NCKAP5: variants seen among roughly 807,000 people sequenced by gnomAD.
NCKAP5 encodes nck-associated protein 5.
In NCKAP5, 92 loss-of-function variants were observed where a neutral mutation model predicts 167.0. The ratio of observed to expected loss-of-function variants is 0.55; its 90% CI spans 0.47 to 0.66. The LOEUF (loss-of-function observed/expected upper bound fraction) is 0.66. Among genes scored for constraint, NCKAP5 ranks in the 30% least tolerant of loss-of-function variants. The probability of loss-of-function intolerance (pLI) is 0.00; values close to 1 mark genes in which losing one functional copy is unlikely to be tolerated. For missense variants in NCKAP5, 2,378 were observed against 2,315.0 expected (o/e 1.03, Z -0.56); for synonymous variants, 891 against 877.4 (o/e 1.02, Z -0.27).
intron 5 of NCKAP5, among the ~76,000 whole-genome samples, chr2:133,188,756 A>T (rs1372548866): frequency 6.6e-6 from 1 of 152,176 alleles, no homozygotes; most frequent in Non-Finnish European, 1.5e-5. Flanking sequence ...GACACAACAC[A>T]CCAGAATCTC....
At chr2:133,616,177 T>C in the NCKAP5 span, among the ~76,000 whole-genome samples, 75 of 151,118 alleles carry the variant, frequency 5.0e-4, no homozygotes, top group Non-Finnish European at 8.1e-4. Context: ...TTTATAGCAC[T>C]AAATGCCCAC....
At chr2:133,177,749 T>A (rs1463254472) in intron 5 of NCKAP5, among the ~76,000 whole-genome samples, 1 of 152,098 alleles carries the variant, frequency 6.6e-6, no homozygotes, top group Non-Finnish European at 1.5e-5. Flanking sequence ...AGCCAGGACT[T>A]CCATCACTGC....
intron 11 of NCKAP5, among the ~76,000 whole-genome samples, chr2:132,811,354 C>A (rs911719490): frequency 6.6e-6 from 1 of 152,134 alleles, no homozygotes. Context: ...CCTTTGTCTT[C>A]TGCTACAGGG....
At chr2:133,652,608 T>G in the NCKAP5 span, among the ~76,000 whole-genome samples, 26 of 152,376 alleles carry the variant, frequency 1.7e-4, no homozygotes, top group East Asian at 5.0e-3. Flanking sequence ...ATTACACATT[T>G]GCTTTATATA....
At chr2:133,620,645 T>C in the NCKAP5 span, among the ~76,000 whole-genome samples, 2 of 151,906 alleles carry the variant, frequency 1.3e-5, no homozygotes, top group Non-Finnish European at 2.9e-5. Flanking sequence ...ACCTAAGAAA[T>C]AAGACAGACA....
chr2:133,220,675 T>C (rs981583536), intron 4 of NCKAP5, among the ~76,000 whole-genome samples: 8 of 152,142 alleles, frequency 5.3e-5, no homozygotes, highest in Non-Finnish European at 1.0e-4. Context: ...CTGCAAGGTT[T>C]GCATGTTTAA....
rs1687608005 is a variant in NCKAP5, at chr2:132,698,988, T to C, written c.5714-25683A>G. The stretch of plus-strand genomic sequence containing the variant: ...ATACACACTCAAGCTTCAGAATCAT[T>C]TCTGTAAAGATTTACCACAATATAC... On this transcript the variant is annotated intron_variant, in intron 19 of 19. Transcript: ENST00000409261. Among the ~76,000 whole-genome samples, 4 of 152,208 alleles carry C rather than the reference T, an allele frequency of 2.6e-5. No individual in the cohort carries two copies. The South Asian group carries it at 8.3e-4, about 32-fold the overall frequency.
chr2:133,364,145 A>C (rs1299819970), intron 3 of NCKAP5, among the ~76,000 whole-genome samples: 1 of 152,154 alleles, frequency 6.6e-6, no homozygotes, highest in African/African-American at 2.4e-5. Flanking sequence ...GGTTCAGGAA[A>C]ACTAACAGAC....
At chr2:133,124,667 C>G (rs1217718600) in intron 6 of NCKAP5, among the ~76,000 whole-genome samples, 2 of 152,180 alleles carry the variant, frequency 1.3e-5, no homozygotes, top group East Asian at 1.9e-4. Context: ...TAAGACTTCT[C>G]TATCTAAATT....
At chr2:133,632,571 G>A in the NCKAP5 span, among the ~76,000 whole-genome samples, 1 of 152,158 alleles carries the variant, frequency 6.6e-6, no homozygotes, top group Non-Finnish European at 1.5e-5. Context: ...ACTCTGTAAA[G>A]GCTTGTAAGC....
chr2:132,894,508 G>T (rs1261042798), intron 8 of NCKAP5, among the ~76,000 whole-genome samples: 1 of 152,118 alleles, frequency 6.6e-6, no homozygotes, highest in Non-Finnish European at 1.5e-5. Context: ...CTTAAGGTAT[G>T]CCAGCAGTCA....
At chr2:133,427,841 A>G (rs919070170) in intron 3 of NCKAP5, among the ~76,000 whole-genome samples, 3 of 152,138 alleles carry the variant, frequency 2.0e-5, no homozygotes, top group Non-Finnish European at 4.4e-5. Flanking sequence ...GCTTATTTAT[A>G]CTATATAGTA....
intron 6 of NCKAP5, among the ~76,000 whole-genome samples, chr2:133,042,740 A>G (rs953982420): frequency 2.6e-5 from 4 of 152,284 alleles, no homozygotes; most frequent in Non-Finnish European, 5.9e-5. Flanking sequence ...TGATTCAGCC[A>G]TGTTTGGACA....
At chr2:133,373,983 A>G (rs1685973110) in intron 3 of NCKAP5, among the ~76,000 whole-genome samples, 1 of 152,356 alleles carries the variant, frequency 6.6e-6, no homozygotes, top group South Asian at 2.1e-4. Flanking sequence ...TATGTAGGAT[A>G]GTAATGGTGC....
chr2:132,941,928 G>A (rs13400006), intron 8 of NCKAP5, among the ~76,000 whole-genome samples: 2,432 of 152,008 alleles, frequency 0.016, 49 homozygotes, highest in African/African-American at 0.054. Context: ...TTCTTCCCTC[G>A]GGCAAAAATA....
intron 3 of NCKAP5, among the ~76,000 whole-genome samples, chr2:133,469,342 A>G (rs1692862229): frequency 1.3e-5 from 2 of 150,454 alleles, no homozygotes; most frequent in Non-Finnish European, 3.0e-5. Context: ...ATTGGCCCCC[A>G]CTCTCTTCTG....
At chr2:133,382,896 T>C (rs893750129) in intron 3 of NCKAP5, among the ~76,000 whole-genome samples, 1 of 152,114 alleles carries the variant, frequency 6.6e-6, no homozygotes, top group Non-Finnish European at 1.5e-5. Flanking sequence ...CTCAGTGTCT[T>C]ACCAAAGGCA....
intron 5 of NCKAP5, among the ~76,000 whole-genome samples, chr2:133,138,383 G>A (rs530485279): frequency 1.1e-3 from 173 of 152,066 alleles, no homozygotes; most frequent in Non-Finnish European, 2.0e-3. Flanking sequence ...ATCAACTAGG[G>A]CTACAAATGA....
chr2:133,323,137 T>C (rs1333243835), intron 3 of NCKAP5, among the ~76,000 whole-genome samples: 2 of 152,222 alleles, frequency 1.3e-5, no homozygotes, highest in East Asian at 3.8e-4. Context: ...TTCAAATAGT[T>C]CCAAGTTTGC....
Sources: gnomAD v4.1 joint callset for allele counts (sites outside exome capture counted in the v4.1 genomes callset) on GRCh38, gnomAD v4.1.1 for gene constraint, MANE v1.5 for transcripts, NCBI Gene and HGNC (gene_info 2026-07-23, HGNC 2026-07-21) for gene names.